The following BCAR3 variants were observed in gnomAD, a reference collection of about 807,000 sequenced individuals.
BCAR3 encodes the protein breast cancer anti-estrogen resistance protein 3.
A neutral mutation model predicts 80.1 loss-of-function variants in BCAR3; 37 were observed. The ratio of observed to expected loss-of-function variants is 0.46; its 90% CI spans 0.36 to 0.61. The LOEUF is 0.61. BCAR3 is among the 20% of genes least tolerant of loss of function. The pLI is 0.00. For missense variants in BCAR3, 978 were observed against 1,068.2 expected (o/e 0.92, Z 1.18); for synonymous variants, 389 against 418.9 (o/e 0.93, Z 0.87).
At chr1:93,730,926 T>C (rs1650763284) in intron 2 of BCAR3, among the ~76,000 whole-genome samples, 1 of 152,164 alleles carries the variant, frequency 6.6e-6, no homozygotes. Flanking sequence ...GTGATCCAGG[T>C]GAATGGACAT....
At chr1:93,655,553 A>G (rs1647339716) in intron 2 of BCAR3, among the ~76,000 whole-genome samples, 1 of 152,200 alleles carries the variant, frequency 6.6e-6, no homozygotes. Flanking sequence ...CAGGCACTCA[A>G]TCCATTTGTT....
chr1:93,667,316 T>G (rs915843039), intron 2 of BCAR3, among the ~76,000 whole-genome samples: 7 of 152,092 alleles, frequency 4.6e-5, no homozygotes, highest in Non-Finnish European at 7.4e-5. Context: ...CCCAGTAGGG[T>G]GTACCAGGGT....
At chr1:93,636,389 G>A (rs1295353410) in intron 3 of BCAR3, among the ~76,000 whole-genome samples, 1 of 152,192 alleles carries the variant, frequency 6.6e-6, no homozygotes, top group African/African-American at 2.4e-5. Flanking sequence ...AAAAGAAAGA[G>A]GACATGCGTT....
At chr1:93,844,675 C>T (rs1232610220) in intron 2 of BCAR3, among the ~76,000 whole-genome samples, 1 of 151,988 alleles carries the variant, frequency 6.6e-6, no homozygotes, top group Admixed American at 6.5e-5. Flanking sequence ...CCACCACACA[C>T]CTGACCTTGT....
intron 2 of BCAR3, among the ~76,000 whole-genome samples, chr1:93,653,485 T>C (rs1200035170): frequency 6.6e-6 from 1 of 152,168 alleles, no homozygotes; most frequent in African/African-American, 2.4e-5. Context: ...TTTCCAACAG[T>C]CGTAACATGT....
intron 1 of BCAR3, among the ~76,000 whole-genome samples, chr1:93,679,515 C>T (rs1648653992): frequency 6.6e-6 from 1 of 152,220 alleles, no homozygotes; most frequent in African/African-American, 2.4e-5. Context: ...CCAGGTGAGA[C>T]TCTGGCCATC....
At chr1:93,633,722 C>T (rs574730710) in intron 3 of BCAR3, among the ~76,000 whole-genome samples, 1 of 152,354 alleles carries the variant, frequency 6.6e-6, no homozygotes, top group East Asian at 1.9e-4. Context: ...GCAACCTCCA[C>T]CTCTCAGGTT....
chr1:93,621,101 G>A (rs1675293753), intron 3 of BCAR3, among the ~76,000 whole-genome samples: 1 of 152,222 alleles, frequency 6.6e-6, no homozygotes, highest in African/African-American at 2.4e-5. Flanking sequence ...GTGGAGTCAG[G>A]AGTAACCCCA....
intron 2 of BCAR3, among the ~76,000 whole-genome samples, chr1:93,776,826 G>C (rs963099735): frequency 6.6e-6 from 1 of 152,122 alleles, no homozygotes; most frequent in East Asian, 1.9e-4. Flanking sequence ...TCCTATTTGT[G>C]ATCTAGGCTG....
chr1:93,728,808 T>A (rs949281947), intron 2 of BCAR3, among the ~76,000 whole-genome samples: 3 of 152,150 alleles, frequency 2.0e-5, no homozygotes, highest in Admixed American at 6.5e-5. Flanking sequence ...CATCTGTGTG[T>A]CTGCCTGCTA....
intron 2 of BCAR3, among the ~76,000 whole-genome samples, chr1:93,783,005 T>C (rs964385694): frequency 6.6e-6 from 1 of 152,106 alleles, no homozygotes; most frequent in East Asian, 1.9e-4. Context: ...AGCACACAAA[T>C]GTGCATTTCA....
At chr1:93,572,247 C>T (rs966876309) in intron 8 of BCAR3, among the ~76,000 whole-genome samples, 1 of 152,150 alleles carries the variant, frequency 6.6e-6, no homozygotes, top group East Asian at 1.9e-4. Flanking sequence ...ATCCCAGGGC[C>T]ACCTCCACTG....
At chr1:93,663,591 C>T (rs1021090411) in intron 2 of BCAR3, among the ~76,000 whole-genome samples, 5 of 152,178 alleles carry the variant, frequency 3.3e-5, no homozygotes, top group Admixed American at 6.5e-5. Flanking sequence ...AGGTCAGTTG[C>T]AAAGAAGATG....
intron 2 of BCAR3, among the ~76,000 whole-genome samples, chr1:93,731,001 CT>C (rs1650766802): frequency 1.3e-5 from 2 of 152,252 alleles, no homozygotes; most frequent in African/African-American, 4.8e-5. Context: ...TACTGCACCT[CT>C]GTGGTCTTCC....
intron 7 of BCAR3, among the ~76,000 whole-genome samples, chr1:93,581,341 C>A (rs757573227): frequency 6.6e-6 from 1 of 151,982 alleles, no homozygotes; most frequent in Non-Finnish European, 1.5e-5. Flanking sequence ...TTGCGTAAAC[C>A]AAATGCTGAC....
chr1:93,749,673 C>T (rs555861408), intron 2 of BCAR3, among the ~76,000 whole-genome samples: 19 of 151,884 alleles, frequency 1.3e-4, no homozygotes, highest in African/African-American at 4.6e-4. Flanking sequence ...TTTGCACAGG[C>T]GCCTTTACTA....
chr1:93,704,658 T>C (rs1349803768), intron 3 of BCAR3, among the ~76,000 whole-genome samples: 1 of 152,056 alleles, frequency 6.6e-6, no homozygotes. Context: ...TCCTTGAAAG[T>C]TTTTAGGCAG....
chr1:93,666,572 G>A (rs563536607), intron 2 of BCAR3, among the ~76,000 whole-genome samples: 10 of 152,226 alleles, frequency 6.6e-5, no homozygotes, highest in Middle Eastern at 6.8e-3. Context: ...CATCTATTTC[G>A]TGCTTCACTA....
chr1:93,667,678 A>C (rs892440148), intron 2 of BCAR3, among the ~76,000 whole-genome samples: 5 of 152,220 alleles, frequency 3.3e-5, no homozygotes, highest in Non-Finnish European at 7.3e-5. Context: ...TCCTTCAAAC[A>C]AGGCCCTATA....
Sources: gnomAD v4.1 joint callset for allele counts (sites outside exome capture counted in the v4.1 genomes callset) on GRCh38, gnomAD v4.1.1 for gene constraint, MANE v1.5 for transcripts, NCBI Gene and HGNC (gene_info 2026-07-23, HGNC 2026-07-21) for gene names.